Variants in SEMA3A observed in about 807,000 individuals in gnomAD.
The protein encoded by SEMA3A is semaphorin 3A, also known as semaphorin-3A.
In SEMA3A, 29 loss-of-function variants were observed where a neutral mutation model predicts 97.9. The ratio of observed to expected loss-of-function variants is 0.30; its 90% CI spans 0.22 to 0.40. The LOEUF is 0.40. SEMA3A is among the 10% of genes least tolerant of loss of function. The pLI is 1.00. For missense variants in SEMA3A, 763 were observed against 951.3 expected, an observed-to-expected ratio of 0.80 and a Z score of 2.60; for synonymous variants, 321 against 323.7, an observed-to-expected ratio of 0.99 and a Z score of 0.09.
intron 6 of SEMA3A, among the ~76,000 whole-genome samples, chr7:84,042,631 G>A (rs2372022): frequency 0.75 from 113,581 of 151,906 alleles, 42,711 homozygotes; most frequent in Middle Eastern, 0.82. Flanking sequence ...ATATGTGGTC[G>A]TTTTTCCACA....
rs149889659 is a variant in SEMA3A, at chr7:84,126,502, G to A, written c.333+2621C>T. Among the ~76,000 whole-genome samples, 1,071 of 152,190 alleles carry A rather than the reference G, an allele frequency of 7.0e-3. 12 individuals are homozygous for A. Among genetic ancestry groups the A allele is most frequent in the South Asian group, 0.044 (214 of 4,814 alleles). On this transcript the variant is annotated intron_variant, in intron 3 of 16. Transcript: ENST00000265362. ...ATTACAGGCATGGGCTACCGCGCCC[G>A]GATGAGTTGATTATCATCATACTTA...
At chr7:84,294,600 A>G (rs576183485) in intron 3 of SEMA3A, among the ~76,000 whole-genome samples, 2 of 152,134 alleles carry the variant, frequency 1.3e-5, no homozygotes, top group Non-Finnish European at 2.9e-5. Flanking sequence ...TGAAAATTTT[A>G]TAATATTGCT....
intron 3 of SEMA3A, among the ~76,000 whole-genome samples, chr7:84,118,294 A>C (rs1795495816): frequency 6.6e-6 from 1 of 152,194 alleles, no homozygotes; most frequent in Non-Finnish European, 1.5e-5. Context: ...AAATGCCAGG[A>C]TTCATTTTCT....
intron 1 of SEMA3A, among the ~76,000 whole-genome samples, chr7:84,381,559 G>T (rs866804483): frequency 2.0e-5 from 3 of 152,102 alleles, no homozygotes; most frequent in Admixed American, 1.3e-4. Flanking sequence ...AATTACTAAA[G>T]TACTCGATTT....
At chr7:83,991,545 G>T (rs1277798036) in intron 12 of SEMA3A, among the ~76,000 whole-genome samples, 2 of 151,726 alleles carry the variant, frequency 1.3e-5, no homozygotes, top group Non-Finnish European at 2.9e-5. Flanking sequence ...GTTGAATTTT[G>T]TCAAAGGCTT....
intron 1 of SEMA3A, among the ~76,000 whole-genome samples, chr7:84,463,237 CTTTTTT>C (rs59465422): frequency 6.7e-4 from 48 of 71,370 alleles, no homozygotes; most frequent in Non-Finnish European, 1.0e-3. Flanking sequence ...TGTAACTATT[CTTTTTT>C]TTTTTTTTTT....
chr7:84,202,157 T>C (rs1284482236), intron 3 of SEMA3A, among the ~76,000 whole-genome samples: 1 of 152,120 alleles, frequency 6.6e-6, no homozygotes, highest in Non-Finnish European at 1.5e-5. Flanking sequence ...GATAGAATTG[T>C]ACAACATGGC....
At chr7:84,169,336 AAATT>A (rs1797312438) in intron 1 of SEMA3A, among the ~76,000 whole-genome samples, 1 of 151,180 alleles carries the variant, frequency 6.6e-6, no homozygotes, top group African/African-American at 2.4e-5. Flanking sequence ...ATAATTAATA[AAATT>A]AATATATTCA....
chr7:84,182,781 C>G (rs1482950752), intron 1 of SEMA3A, among the ~76,000 whole-genome samples: 1 of 152,116 alleles, frequency 6.6e-6, no homozygotes, highest in African/African-American at 2.4e-5. Flanking sequence ...AAGTTAGGTT[C>G]ATTTTTTTCA....
chr7:84,334,060 GTTT>G (rs1467825685), intron 2 of SEMA3A, among the ~76,000 whole-genome samples: 1 of 152,000 alleles, frequency 6.6e-6, no homozygotes, highest in Non-Finnish European at 1.5e-5. Context: ...AAAAACAATA[GTTT>G]TTTTCTTAAA....
chr7:84,021,825 C>T (rs1791340369), intron 6 of SEMA3A, among the ~76,000 whole-genome samples: 1 of 152,046 alleles, frequency 6.6e-6, no homozygotes, highest in Non-Finnish European at 1.5e-5. Context: ...TGTTTTTTGG[C>T]ATGGTTTACA....
intron 1 of SEMA3A, among the ~76,000 whole-genome samples, chr7:84,453,713 C>T (rs889108860): frequency 6.6e-6 from 1 of 152,134 alleles, no homozygotes; most frequent in Non-Finnish European, 1.5e-5. Context: ...TGTACATTAT[C>T]TCAGTAATAA....
At chr7:84,332,844 T>C (rs1192087180) in intron 2 of SEMA3A, among the ~76,000 whole-genome samples, 1 of 152,110 alleles carries the variant, frequency 6.6e-6, no homozygotes, top group Non-Finnish European at 1.5e-5. Flanking sequence ...TGAAATATGT[T>C]ATTATTTACA....
At chr7:84,003,071 A>G (rs1790525446) in intron 11 of SEMA3A, among the ~76,000 whole-genome samples, 1 of 152,172 alleles carries the variant, frequency 6.6e-6, no homozygotes, top group African/African-American at 2.4e-5. Flanking sequence ...CAACAAAGTT[A>G]TTGTGAAGAA....
At chr7:84,124,211 T>C (rs931248760) in intron 3 of SEMA3A, among the ~76,000 whole-genome samples, 2 of 152,322 alleles carry the variant, frequency 1.3e-5, no homozygotes, top group African/African-American at 4.8e-5. Context: ...TCTTTTCCTA[T>C]TGTAGCCTTC....
intron 4 of SEMA3A, among the ~76,000 whole-genome samples, chr7:84,089,836 A>G (rs41441447): frequency 0.41 from 62,583 of 151,668 alleles, 14,764 homozygotes; most frequent in Non-Finnish European, 0.52. Context: ...AGCCTTTTGT[A>G]CTATCAGACT....
At chr7:84,438,216 T>A (rs1316658773) in intron 1 of SEMA3A, among the ~76,000 whole-genome samples, 1 of 152,092 alleles carries the variant, frequency 6.6e-6, no homozygotes, top group Admixed American at 6.5e-5. Flanking sequence ...CAGAATGACT[T>A]GGATACAAAT....
intron 1 of SEMA3A, among the ~76,000 whole-genome samples, chr7:84,466,189 T>C (rs1805992115): frequency 6.6e-6 from 1 of 151,998 alleles, no homozygotes; most frequent in African/African-American, 2.4e-5. Flanking sequence ...TTGTTTGCTT[T>C]TGAGACGGAG....
chr7:84,353,293 G>A (rs1176901007), intron 2 of SEMA3A, among the ~76,000 whole-genome samples: 2 of 151,324 alleles, frequency 1.3e-5, no homozygotes, highest in Non-Finnish European at 3.0e-5. Context: ...GGATATGGAG[G>A]GCTACTGTAC....
Sources: gnomAD v4.1 joint callset for allele counts (sites outside exome capture counted in the v4.1 genomes callset) on GRCh38, gnomAD v4.1.1 for gene constraint, MANE v1.5 for transcripts, NCBI Gene and HGNC (gene_info 2026-07-23, HGNC 2026-07-21) for gene names.